LNPEP: variants seen among roughly 807,000 people sequenced by gnomAD.
LNPEP encodes the protein leucyl-cystinyl aminopeptidase.
LNPEP carries 64 observed loss-of-function variants against 120.6 expected under a neutral mutation model. That is an observed-to-expected ratio of 0.53 (90% confidence interval 0.43 to 0.65). The LOEUF is 0.65. Ranked by LOEUF, LNPEP falls within the 30% of genes least tolerant of loss-of-function variation. LNPEP has a pLI of 0.00. For synonymous variants in LNPEP, 435 were observed against 425.4 expected, an observed-to-expected ratio of 1.02 and a Z score of -0.28; for missense variants, 1,057 against 1,200.0, an observed-to-expected ratio of 0.88 and a Z score of 1.76.
At chr5:96,938,701 T>C (rs1788980677) in intron 1 of LNPEP, among the ~76,000 whole-genome samples, 2 of 152,222 alleles carry the variant, frequency 1.3e-5, no homozygotes, top group African/African-American at 4.8e-5. Context: ...GGTAACATAC[T>C]TCTGCAACCC....
chr5:96,971,092 T>C (rs928539675), intron 1 of LNPEP, among the ~76,000 whole-genome samples: 1 of 152,100 alleles, frequency 6.6e-6, no homozygotes, highest in Non-Finnish European at 1.5e-5. Context: ...TGTCATTTAT[T>C]TGAAAATGTC....
intron 13 of LNPEP, among the ~76,000 whole-genome samples, chr5:97,021,760 T>C (rs973840092): frequency 6.6e-6 from 1 of 152,102 alleles, no homozygotes; most frequent in African/African-American, 2.4e-5. Context: ...AGCAGCCTTA[T>C]GCATAGCCTT....
intron 1 of LNPEP, among the ~76,000 whole-genome samples, chr5:96,969,756 A>AT (rs1789816192): frequency 1.4e-5 from 2 of 146,248 alleles, no homozygotes; most frequent in South Asian, 4.3e-4. Context: ...TTTTTTTATT[A>AT]TTTTTTCTAC....
At chr5:96,944,568 T>C (rs1423076631) in intron 1 of LNPEP, among the ~76,000 whole-genome samples, 2 of 113,268 alleles carry the variant, frequency 1.8e-5, no homozygotes, top group Non-Finnish European at 2.0e-5. Flanking sequence ...TGCTTTTTTT[T>C]TTTTTTTTTT....
At chr5:96,966,468 C>CTGTGCCATTG (rs1225985036) in intron 1 of LNPEP, among the ~76,000 whole-genome samples, 9 of 151,740 alleles carry the variant, frequency 5.9e-5, no homozygotes, top group Non-Finnish European at 5.9e-5. Context: ...CCATTGCACT[C>CTGTGCCATTG]CAACCTGGGT....
intron 16 of LNPEP, among the ~76,000 whole-genome samples, chr5:97,027,007 C>T (rs1251281035): frequency 6.6e-6 from 1 of 152,198 alleles, no homozygotes; most frequent in African/African-American, 2.4e-5. Context: ...TTACTTAGCT[C>T]AGCGTGGCTA....
intron 1 of LNPEP, among the ~76,000 whole-genome samples, chr5:96,954,706 A>G (rs1234147665): frequency 3.2e-5 from 4 of 124,480 alleles, no homozygotes; most frequent in Non-Finnish European, 5.0e-5. Flanking sequence ...ATATATACAT[A>G]TATACACATA....
At chr5:96,976,378 T>C (rs1789996066) in intron 1 of LNPEP, among the ~76,000 whole-genome samples, 1 of 152,192 alleles carries the variant, frequency 6.6e-6, no homozygotes, top group Non-Finnish European at 1.5e-5. Context: ...AGTAAGTTAT[T>C]TGGATTTAGG....
At chr5:97,024,095 C>CT (rs1261655899) in intron 14 of LNPEP, among the ~76,000 whole-genome samples, 2 of 152,174 alleles carry the variant, frequency 1.3e-5, no homozygotes, top group African/African-American at 4.8e-5. Flanking sequence ...TTTCCCAGCT[C>CT]TGAGATCTTA....
In LNPEP at chr5:97,031,951, T is replaced by G. The variant is rs1422331599; in HGVS notation, c.*3418T>G. On this transcript the variant is annotated 3_prime_UTR_variant, in exon 18 of 18. Coordinates refer to ENST00000231368, the MANE Select transcript of LNPEP (RefSeq NM_005575.3). ...TTGGATTACTGACAGTTTGTTGAGA[T>G]GGATTTTAAAAAGAGTCTATTTAAA... 1 of 152,114 alleles carries G rather than the reference T, an allele frequency of 6.6e-6. No individual in the cohort carries two copies. The highest frequency in any genetic ancestry group is 1.5e-5 in the Non-Finnish European group (1 of 68,014). The allele number at this position is 152,114 out of a possible 1,614,324, so 9.4% of individuals were successfully genotyped here.
At chr5:96,968,256 G>A (rs563703280) in intron 1 of LNPEP, among the ~76,000 whole-genome samples, 6 of 152,076 alleles carry the variant, frequency 3.9e-5, no homozygotes, top group African/African-American at 1.4e-4. Context: ...TAGGATACTG[G>A]CAGGGCAACC....
Position 97,026,568 on chromosome 5 carries a change from C to G in LNPEP, c.2724-49C>G, listed in dbSNP as rs375979016. 12 of 1,504,858 alleles carry G rather than the reference C, an allele frequency of 8.0e-6. No individual in the cohort carries two copies. In the East Asian group the frequency reaches 2.5e-4, roughly 31 times the overall value. The allele number at this position is 1,504,858 out of a possible 1,614,324, so 93.2% of individuals were successfully genotyped here. A position where few individuals can be genotyped will look rare whatever the true frequency, so the allele number is the denominator to read the frequency against. On this transcript the variant is annotated intron_variant, in intron 15 of 17. Transcript: ENST00000231368. Reference sequence around the variant, plus strand: ...AATTTTAATTTAAGTTCAGTCATCACTTCTTCATGAATAATAATTTTGGAG... The same window carrying G: ...AATTTTAATTTAAGTTCAGTCATCAGTTCTTCATGAATAATAATTTTGGAG...
chr5:96,987,136 T>C (rs1480229918), intron 4 of LNPEP, among the ~76,000 whole-genome samples: 1 of 152,120 alleles, frequency 6.6e-6, no homozygotes, highest in Non-Finnish European at 1.5e-5. Flanking sequence ...TCAAAGCAAA[T>C]CCTGATGAGA....
At chr5:96,981,191 A>T (rs1201878380) in intron 2 of LNPEP, among the ~76,000 whole-genome samples, 4 of 152,228 alleles carry the variant, frequency 2.6e-5, no homozygotes, top group African/African-American at 9.6e-5. Context: ...AGAAAAATTT[A>T]TAAAAGCTTC....
At position 97,022,421 on chromosome 5, in the gene LNPEP, G is replaced by T. The variant is rs537024796; in HGVS notation, c.2498G>T (p.Gly833Val). ...LLEFACTHNL[G>V]NCSTTAMKLF... ...GAGTTTGCTTGCACCCACAACCTGGGGAACTGCTCTACTACTGCCATGAAA... is the reference window on the plus strand; with the variant it reads ...GAGTTTGCTTGCACCCACAACCTGGTGAACTGCTCTACTACTGCCATGAAA... Residue 833 changes from glycine to valine, a missense_variant, in exon 14 of 18, where the codon GGG becomes GTG. Gly to Val is a moderately radical substitution (Grantham distance 109). Transcript: ENST00000231368. 1.9e-6 allele frequency: 3 copies of T among 1,614,074 alleles called. No individual in the cohort carries two copies. The highest frequency in any genetic ancestry group is 1.6e-4 in the Middle Eastern group (1 of 6,062).
At chr5:96,943,093 C>CA (rs1285022334) in intron 1 of LNPEP, 1 of 320,824 alleles carries the variant, frequency 3.1e-6, no homozygotes, top group Non-Finnish European at 5.8e-6. Context: ...ATAAGTGACT[C>CA]ATTGACTTCC....
chr5:97,019,602 G>A (rs1219138851), intron 13 of LNPEP, among the ~76,000 whole-genome samples: 1 of 152,144 alleles, frequency 6.6e-6, no homozygotes, highest in African/African-American at 2.4e-5. Flanking sequence ...AACTGCTCAG[G>A]AATTAGCCAC....
In LNPEP at chr5:96,946,104, C is replaced by T. The variant is rs138646711; in HGVS notation, c.19+9930C>T. On this transcript the variant is annotated intron_variant, in intron 1 of 17. Transcript: ENST00000231368. ...AGTGTGTCCACATTTATCAAGATCA[C>T]CTGCAGGAGTTTGGGCTGGCCCCCT... Among the ~76,000 whole-genome samples, 551 of 152,272 alleles carry T rather than the reference C, an allele frequency of 3.6e-3. 2 individuals carry two copies. Among genetic ancestry groups the T allele is most frequent in the African/African-American group, 0.013 (528 of 41,548 alleles).
intron 6 of LNPEP, among the ~76,000 whole-genome samples, chr5:96,995,106 C>CA (rs918093487): frequency 2.9e-4 from 43 of 150,418 alleles, no homozygotes; most frequent in Admixed American, 5.3e-4. Flanking sequence ...AACTCCATCT[C>CA]AAAAAAAAAT....
Sources: allele counts gnomAD v4.1 joint callset (sites outside exome capture counted in the v4.1 genomes callset), GRCh38; gene constraint gnomAD v4.1.1; transcripts MANE v1.5; gene names NCBI Gene and HGNC (gene_info 2026-07-23, HGNC 2026-07-21).